Variants in TENM3 observed in about 807,000 individuals in gnomAD.
TENM3 encodes teneurin transmembrane protein 3, also known as teneurin-3.
Under a neutral mutation model 255.1 loss-of-function variants are expected in TENM3, and 63 were observed. The ratio of observed to expected loss-of-function variants is 0.25; its 90% confidence interval spans 0.20 to 0.30. The LOEUF is 0.30. Ranked by LOEUF, TENM3 falls within the 10% of genes least tolerant of loss-of-function variation. The pLI is 1.00. For synonymous variants in TENM3, 1,306 were observed against 1,322.3 expected (o/e 0.99, Z 0.27); for missense variants, 2,929 against 3,461.1 (o/e 0.85, Z 3.86).
At chr4:182,536,424 G>T (rs1325459992) in intron 3 of TENM3, among the ~76,000 whole-genome samples, 1 of 152,190 alleles carries the variant, frequency 6.6e-6, no homozygotes, top group Admixed American at 6.5e-5. Context: ...GCTGCCAATA[G>T]GCATGCCATG....
intron 17 of TENM3, among the ~76,000 whole-genome samples, chr4:182,737,413 A>T (rs1321122430): frequency 1.3e-5 from 2 of 151,628 alleles, no homozygotes; most frequent in Non-Finnish European, 2.9e-5. Context: ...TTATAACTTT[A>T]CCTCCCTGGA....
the TENM3 span, among the ~76,000 whole-genome samples, chr4:181,460,019 A>G: frequency 6.5e-4 from 99 of 152,020 alleles, no homozygotes; most frequent in South Asian, 3.1e-3. Context: ...TTTTTGGTGT[A>G]AAGATCTTGT....
At chr4:182,046,479 G>A in the TENM3 span, among the ~76,000 whole-genome samples, 69 of 151,828 alleles carry the variant, frequency 4.5e-4, no homozygotes, top group Non-Finnish European at 1.3e-4. Flanking sequence ...TGAGGTGGGA[G>A]GATCACTTGA....
chr4:181,780,676 G>A, the TENM3 span, among the ~76,000 whole-genome samples: 158 of 152,208 alleles, frequency 1.0e-3, no homozygotes, highest in African/African-American at 3.4e-3. Flanking sequence ...TTTTGTTGCT[G>A]TTGCTTTTGC....
At chr4:181,844,560 C>G in the TENM3 span, among the ~76,000 whole-genome samples, 1 of 151,502 alleles carries the variant, frequency 6.6e-6, no homozygotes, top group Non-Finnish European at 1.5e-5. Context: ...CCCAGCTACT[C>G]GGGAGGCTGA....
chr4:182,608,628 C>A (rs1748661426), intron 4 of TENM3, among the ~76,000 whole-genome samples: 1 of 152,154 alleles, frequency 6.6e-6, no homozygotes, highest in Non-Finnish European at 1.5e-5. Flanking sequence ...GCCGCCCGGT[C>A]TGCAGGGTCC....
chr4:182,015,644 T>A, the TENM3 span, among the ~76,000 whole-genome samples: 5 of 152,108 alleles, frequency 3.3e-5, no homozygotes, highest in African/African-American at 1.2e-4. Context: ...CACTGCAACC[T>A]CCGCCTCCTG....
chr4:181,730,629 T>C, the TENM3 span, among the ~76,000 whole-genome samples: 1 of 152,176 alleles, frequency 6.6e-6, no homozygotes, highest in Admixed American at 6.5e-5. Context: ...AGATAGACTT[T>C]TGTTGTTCTG....
the TENM3 span, among the ~76,000 whole-genome samples, chr4:182,092,522 C>G: frequency 6.6e-6 from 1 of 152,090 alleles, no homozygotes; most frequent in Non-Finnish European, 1.5e-5. Flanking sequence ...TTGGCATGCA[C>G]CTATTGTTCC....
At chr4:182,577,097 G>C (rs1329372147) in intron 3 of TENM3, among the ~76,000 whole-genome samples, 1 of 152,136 alleles carries the variant, frequency 6.6e-6, no homozygotes, top group Admixed American at 6.5e-5. Context: ...CGTCCTGAAG[G>C]CTTCTCTGTT....
At chr4:181,475,173 A>G in the TENM3 span, among the ~76,000 whole-genome samples, 1 of 152,342 alleles carries the variant, frequency 6.6e-6, no homozygotes, top group South Asian at 2.1e-4. Flanking sequence ...ATATATGTCA[A>G]TGACAGTCTC....
chr4:182,272,880 C>G lies in TENM3; in HGVS notation c.-76+29404C>G, dbSNP rs115226181. Among the ~76,000 whole-genome samples the G allele has an allele frequency of 2.0e-3, 306 of 152,236 alleles. 2 individuals are homozygous for G. Among genetic ancestry groups the G allele is most frequent in the African/African-American group, 7.1e-3 (293 of 41,540 alleles). ...AATGGCTGAGTGAGATGGTTTCCTT[C>G]AGGTGCAGGGGTTGGGAGCATCAGA... On this transcript the variant is annotated intron_variant, in intron 1 of 27. Transcript: ENST00000511685.
chr4:182,668,563 A>G (rs1168539813), intron 6 of TENM3, among the ~76,000 whole-genome samples: 1 of 152,164 alleles, frequency 6.6e-6, no homozygotes, highest in Admixed American at 6.5e-5. Flanking sequence ...ACACTCCACC[A>G]ATCTTGGATC....
At chr4:181,616,382 A>T in the TENM3 span, among the ~76,000 whole-genome samples, 1 of 144,964 alleles carries the variant, frequency 6.9e-6, no homozygotes, top group African/African-American at 2.6e-5. Context: ...ATATATATAT[A>T]TCAATAGGAT....
chr4:181,585,402 G>A, the TENM3 span, among the ~76,000 whole-genome samples: 1 of 152,128 alleles, frequency 6.6e-6, no homozygotes, highest in Non-Finnish European at 1.5e-5. Flanking sequence ...CAGGAAAAAT[G>A]TTTGGAGGAA....
chr4:182,522,150 C>G (rs1738647620), intron 3 of TENM3, among the ~76,000 whole-genome samples: 1 of 152,068 alleles, frequency 6.6e-6, no homozygotes, highest in South Asian at 2.1e-4. Flanking sequence ...TTGGGATATC[C>G]AGCACCTTAA....
At position 182,799,757 on chromosome 4, in the gene TENM3, G is replaced by T; in HGVS notation, c.7506G>T (p.Leu2502=). The change falls in exon 28 of 28, where the codon CTG becomes CTT. Residue 2502 remains leucine (L), a synonymous_variant. Transcript: ENST00000511685. This position sits in a 1 kb window ranked among gnomAD's most constrained non-coding sequence, Gnocchi z 4.2. ...VKSLIGKGVM[L]AVSQGRVQTN... ...CGCTGATCGGCAAGGGCGTCATGCT[G>T]GCCGTCAGCCAGGGCCGCGTGCAGA... is the stretch of plus-strand genomic sequence containing the variant. The T allele has an allele frequency of 1.3e-6, 2 of 1,574,008 alleles. No homozygotes were observed. The highest frequency in any genetic ancestry group is 1.7e-6 in the Non-Finnish European group (2 of 1,161,008).
chr4:181,578,938 C>G, the TENM3 span, among the ~76,000 whole-genome samples: 5 of 152,114 alleles, frequency 3.3e-5, no homozygotes, highest in East Asian at 9.7e-4. Context: ...GGGAAGGGGG[C>G]ACGATTCAGC....
chr4:182,784,288 T>C (rs890765405), intron 24 of TENM3, among the ~76,000 whole-genome samples: 2 of 152,104 alleles, frequency 1.3e-5, no homozygotes, highest in African/African-American at 2.4e-5. Context: ...GACCCTCAGC[T>C]GCAGGTCTGT....
Sources: allele counts gnomAD v4.1 joint callset (sites outside exome capture counted in the v4.1 genomes callset), GRCh38; gene constraint gnomAD v4.1.1; non-coding constraint Gnocchi (gnomAD v3.1); transcripts MANE v1.5; gene names NCBI Gene and HGNC (gene_info 2026-07-23, HGNC 2026-07-21).